The following SCML2 variants were observed in gnomAD, a reference collection of about 807,000 sequenced individuals.
The protein encoded by SCML2 is Scm polycomb group protein like 2, also known as sex comb on midleg-like protein 2.
SCML2 carries 6 observed loss-of-function variants against 48.4 expected under a neutral mutation model. The observed-to-expected ratio is 0.12, with a 90% CI of 0.07 to 0.24. The LOEUF is 0.24. Ranked by LOEUF, SCML2 falls within the 10% of genes least tolerant of loss-of-function variation. The probability of loss-of-function intolerance (pLI) is 1.00; values close to 1 mark genes in which losing one functional copy is unlikely to be tolerated. For missense variants in SCML2, 377 were observed against 528.2 expected (o/e 0.71, Z 2.81); for synonymous variants, 181 against 189.5 (o/e 0.95, Z 0.37).
intron 7 of SCML2, among the ~76,000 whole-genome samples, chrX:18,275,539 T>A (rs955528780): frequency 8.9e-6 from 1 of 112,591 alleles, no homozygotes; most frequent in Non-Finnish European, 1.9e-5. Flanking sequence ...TTTACATATA[T>A]CTATCTGTCC....
intron 6 of SCML2, among the ~76,000 whole-genome samples, chrX:18,307,470 C>G (rs1188533566): frequency 9.0e-6 from 1 of 111,409 alleles, no homozygotes; most frequent in Non-Finnish European, 1.9e-5. Flanking sequence ...AAAGAATAAA[C>G]ACGGCAGTTG....
At chrX:18,279,557 C>T (rs1472538585) in intron 7 of SCML2, among the ~76,000 whole-genome samples, 5 of 112,005 alleles carry the variant, frequency 4.5e-5, no homozygotes, top group African/African-American at 1.3e-4. Flanking sequence ...ATTCAGAATC[C>T]GGATGCGCAA....
intron 9 of SCML2, among the ~76,000 whole-genome samples, chrX:18,259,006 G>A (rs975111083): frequency 9.0e-6 from 1 of 111,492 alleles, no homozygotes; most frequent in Non-Finnish European, 1.9e-5. Context: ...GGTCACGCCT[G>A]TAATCCCAGC....
chrX:18,271,597 T>C (rs977546723), intron 7 of SCML2, among the ~76,000 whole-genome samples: 1 of 110,114 alleles, frequency 9.1e-6, no homozygotes, highest in Non-Finnish European at 1.9e-5. Context: ...GGAAAAATAT[T>C]AACAAGCAGA....
At position 18,239,401 on chromosome X, in the gene SCML2, T is replaced by C. The variant is rs137959675; in HGVS notation, c.*1850A>G. 5.7e-3 allele frequency: 646 copies of C among 112,901 alleles called. 2 individuals carry two copies. The highest frequency in any genetic ancestry group is 9.2e-3 in the Middle Eastern group (2 of 218). 9.3% of individuals were successfully genotyped at this position (112,901 alleles called of 1,213,427 possible). On this transcript the variant is annotated 3_prime_UTR_variant, in exon 15 of 15. Transcript: ENST00000251900. ...TGTAAACACCTGAGGACTGTTCAAG[T>C]GGGTACAGCATCTTCATACAAACAA...
intron 7 of SCML2, among the ~76,000 whole-genome samples, chrX:18,267,249 G>A (rs1389366457): frequency 9.0e-6 from 1 of 111,314 alleles, no homozygotes; most frequent in Non-Finnish European, 1.9e-5. Flanking sequence ...AACTGATCAG[G>A]CTTTACATTC....
chrX:18,279,545 G>T (rs895473831), intron 7 of SCML2, among the ~76,000 whole-genome samples: 1 of 112,361 alleles, frequency 8.9e-6, no homozygotes, highest in Non-Finnish European at 1.9e-5. Flanking sequence ...GACAGACACA[G>T]AATTCAGAAT....
intron 3 of SCML2, among the ~76,000 whole-genome samples, chrX:18,327,191 G>A (rs1358585711): frequency 8.2e-5 from 9 of 109,636 alleles, no homozygotes; most frequent in Admixed American, 2.9e-4. Context: ...CCAACATGGC[G>A]AAACCCCGTT....
chrX:18,310,410 C>T (rs988891431), intron 6 of SCML2, among the ~76,000 whole-genome samples: 2 of 106,429 alleles, frequency 1.9e-5, no homozygotes, highest in East Asian at 6.0e-4. Context: ...GGATTACAGG[C>T]GCGTGCCACC....
At chrX:18,349,270 T>C (rs1930297014) in intron 1 of SCML2, among the ~76,000 whole-genome samples, 1 of 112,276 alleles carries the variant, frequency 8.9e-6, no homozygotes, top group Non-Finnish European at 1.9e-5. Context: ...GGCAGAGCCA[T>C]AGCCATAAAC....
chrX:18,272,228 T>TG (rs1238444178), intron 7 of SCML2, among the ~76,000 whole-genome samples: 2 of 112,284 alleles, frequency 1.8e-5, no homozygotes, highest in Non-Finnish European at 3.8e-5. Context: ...GGACTGTTAC[T>TG]GTCAGATAAG....
At chrX:18,308,311 G>A (rs182310174) in intron 6 of SCML2, among the ~76,000 whole-genome samples, 2 of 83,855 alleles carry the variant, frequency 2.4e-5, no homozygotes, top group African/African-American at 8.8e-5. Context: ...GGAAGGGAGG[G>A]AGGAAGGAAG....
At chrX:18,337,835 T>C (rs954563825) in intron 1 of SCML2, among the ~76,000 whole-genome samples, 2 of 111,381 alleles carry the variant, frequency 1.8e-5, no homozygotes, top group Admixed American at 9.6e-5. Context: ...ACATGGAACA[T>C]TCACTGAGAT....
rs932580311 is a variant in SCML2, at chrX:18,313,400, T to C, written c.486+6932A>G. Among the ~76,000 whole-genome samples, 4 of 111,276 alleles carry C rather than the reference T, an allele frequency of 3.6e-5. No homozygotes were observed. The East Asian group carries it at 8.5e-4, about 24-fold the overall frequency. On this transcript the variant is annotated intron_variant, in intron 6 of 14. Transcript: ENST00000251900. ...CCACTTTTGCGTCTTCCTCATTTTC[T>C]CTTGCCGCCACCATGTAAGAAGTGC...
intron 1 of SCML2, among the ~76,000 whole-genome samples, chrX:18,352,579 A>C (rs774303864): frequency 8.9e-6 from 1 of 111,770 alleles, no homozygotes; most frequent in African/African-American, 3.2e-5. Flanking sequence ...ACTCCCTGAA[A>C]TTTTCAGGAA....
chrX:18,323,926 G>A lies in SCML2; in HGVS notation c.330C>T (p.Val110=), dbSNP rs201088563. The change falls in exon 5 of 15, where the codon GTC becomes GTT. Residue 110 remains valine, a synonymous_variant. Coordinates refer to ENST00000251900, the MANE Select transcript of SCML2 (RefSeq NM_006089.3). The stretch of plus-strand genomic sequence containing the variant: ...CAACAGGTTGTATGTCTGGGGAATC[G>A]ACAAGCCTCCAAAAATCATTTCTGT... The part of the protein sequence containing the change: ...SDNRNDFWRL[V]DSPDIQPVGT... 4.5e-5 allele frequency: 54 copies of A among 1,209,152 alleles called. No homozygotes were observed. The East Asian group carries it at 1.2e-3, about 27-fold the overall frequency.
intron 1 of SCML2, among the ~76,000 whole-genome samples, chrX:18,339,374 T>C (rs1929940874): frequency 8.9e-6 from 1 of 112,127 alleles, no homozygotes; most frequent in Non-Finnish European, 1.9e-5. Flanking sequence ...TAGGTAATTA[T>C]TCATTAATAT....
At chrX:18,287,066 C>T (rs1928078909) in intron 7 of SCML2, among the ~76,000 whole-genome samples, 1 of 111,434 alleles carries the variant, frequency 9.0e-6, no homozygotes, top group Admixed American at 9.6e-5. Flanking sequence ...CTTCACCATC[C>T]TTCCTGAGTC....
rs35589774 is a variant in SCML2, at chrX:18,331,259, CAAAAAA to C, written c.23-610_23-605del. On this transcript the variant is annotated intron_variant, in intron 2 of 14. Coordinates refer to ENST00000251900, the MANE Select transcript of SCML2 (RefSeq NM_006089.3). The stretch of plus-strand genomic sequence containing the variant: ...TGGGTGACAGAGCGAGACTCCGTCT[CAAAAAA>C]AAAAAAAAAAAAAAAAAAAAAAAAA... Among the ~76,000 whole-genome samples, 121 of 16,222 alleles carry C rather than the reference CAAAAAA, an allele frequency of 7.5e-3. 1 individual carries two copies. The highest frequency in any genetic ancestry group is 0.028 in the African/African-American group (115 of 4,064). The allele number at this position is 16,222 out of a possible 115,157, so 14.1% of individuals were successfully genotyped here. A position where few individuals can be genotyped will look rare whatever the true frequency, so the allele number is the denominator to read the frequency against.
Sources: allele counts gnomAD v4.1 joint callset (sites outside exome capture counted in the v4.1 genomes callset), GRCh38; gene constraint gnomAD v4.1.1; transcripts MANE v1.5; gene names NCBI Gene and HGNC (gene_info 2026-07-23, HGNC 2026-07-21).